SIRT4: variants seen among roughly 807,000 people sequenced by gnomAD.
SIRT4 encodes the protein sirtuin 4.
In SIRT4, 23 loss-of-function variants were observed where a neutral mutation model predicts 26.1. That is an observed-to-expected ratio of 0.88 (90% CI 0.63 to 1.25). The LOEUF (loss-of-function observed/expected upper bound fraction) is 1.25, where lower values mean the gene tolerates loss of function less well. Among genes scored for constraint, SIRT4 ranks in the 50% most tolerant of loss-of-function variants. The pLI is 0.00. For missense variants in SIRT4, 361 were observed against 405.4 expected, an observed-to-expected ratio of 0.89 and a Z score of 0.94; for synonymous variants, 155 against 158.4, an observed-to-expected ratio of 0.98 and a Z score of 0.16.
the SIRT4 span, among the ~76,000 whole-genome samples, chr12:120,295,739 C>T: frequency 2.0e-4 from 31 of 151,676 alleles, no homozygotes; most frequent in Admixed American, 2.0e-3. Context: ...GCCTGTTTTC[C>T]TTCAGGATGT....
chr12:120,310,401 A>G (rs534861856), intron 2 of SIRT4, among the ~76,000 whole-genome samples: 1 of 152,176 alleles, frequency 6.6e-6, no homozygotes, highest in South Asian at 2.1e-4. Flanking sequence ...TTTTTTTTGT[A>G]GAGAGAGCGT....
upstream of SIRT4, among the ~76,000 whole-genome samples, chr12:120,301,651 C>CTT (rs967482087): frequency 4.0e-5 from 6 of 151,050 alleles, no homozygotes; most frequent in Non-Finnish European, 5.9e-5. Flanking sequence ...AATACAAAAA[C>CTT]TTTAAAAAAA....
At chr12:120,306,274 G>T (rs1460565617) in intron 2 of SIRT4, among the ~76,000 whole-genome samples, 1 of 151,862 alleles carries the variant, frequency 6.6e-6, no homozygotes, top group Non-Finnish European at 1.5e-5. Context: ...TCAGGAGTTC[G>T]AGACCAGCCT....
intron 2 of SIRT4, 62 bp from the exon 3 acceptor site, chr12:120,312,394 T>G: frequency 4.7e-6 from 7 of 1,494,480 alleles, no homozygotes; most frequent in Non-Finnish European, 2.7e-6. Flanking sequence ...AGATGAAACG[T>G]CTCTGACAGC....
At chr12:120,295,759 T>G in the SIRT4 span, among the ~76,000 whole-genome samples, 1 of 151,850 alleles carries the variant, frequency 6.6e-6, no homozygotes, top group Non-Finnish European at 1.5e-5. Context: ...TAGAAAGCTA[T>G]TAGAAACCTA....
At chr12:120,306,728 G>A (rs930707534) in intron 2 of SIRT4, among the ~76,000 whole-genome samples, 5 of 151,762 alleles carry the variant, frequency 3.3e-5, no homozygotes, top group Admixed American at 2.0e-4. Flanking sequence ...GCCTGAACCT[G>A]GGAGGCAGAG....
intron 2 of SIRT4, among the ~76,000 whole-genome samples, chr12:120,308,290 C>T (rs1020529047): frequency 1.4e-4 from 21 of 151,736 alleles, no homozygotes; most frequent in African/African-American, 5.1e-4. Flanking sequence ...CTGCCTCAGC[C>T]TCCCAAGTAG....
At chr12:120,293,364 G>T in the SIRT4 span, 94 of 152,294 alleles carry the variant, frequency 6.2e-4, 1 homozygote, top group African/African-American at 2.1e-3. Flanking sequence ...ATAGAAAGAT[G>T]TTTGTGACCT....
upstream of SIRT4, among the ~76,000 whole-genome samples, chr12:120,299,549 CAA>C (rs35920345): frequency 8.4e-3 from 1,098 of 130,764 alleles, 6 homozygotes; most frequent in Admixed American, 0.018. Context: ...TAGACTCTCT[CAA>C]AAAAAAAAAA....
the SIRT4 span, among the ~76,000 whole-genome samples, chr12:120,292,136 C>T: frequency 6.6e-6 from 1 of 152,184 alleles, no homozygotes; most frequent in Non-Finnish European, 1.5e-5. Context: ...TGCAAATCAA[C>T]GTGACGTCAC....
At chr12:120,310,524 G>C (rs1362566623) in intron 2 of SIRT4, among the ~76,000 whole-genome samples, 2 of 151,624 alleles carry the variant, frequency 1.3e-5, no homozygotes, top group African/African-American at 2.4e-5. Context: ...GGCCACAGGG[G>C]TTCTTTTAAG....
chr12:120,302,717 T>C (rs894679721), intron 1 of SIRT4, among the ~76,000 whole-genome samples: 2 of 151,430 alleles, frequency 1.3e-5, no homozygotes, highest in African/African-American at 4.9e-5. Flanking sequence ...GTTTTTTCTT[T>C]TTCTTTTTTT....
chr12:120,300,957 T>C (rs964753002), upstream of SIRT4, among the ~76,000 whole-genome samples: 2 of 152,090 alleles, frequency 1.3e-5, no homozygotes, highest in African/African-American at 2.4e-5. Flanking sequence ...TTTGATTAAC[T>C]TAATAAAAAA....
upstream of SIRT4, among the ~76,000 whole-genome samples, chr12:120,299,412 C>T (rs1179035781): frequency 1.3e-5 from 2 of 150,308 alleles, no homozygotes; most frequent in African/African-American, 2.5e-5. Context: ...ATTAGCCGGG[C>T]GCAGTGGCGA....
chr12:120,302,714 CTTTTTCTTTTT>C, intron 1 of SIRT4, among the ~76,000 whole-genome samples: 1 of 147,414 alleles, frequency 6.8e-6, no homozygotes, highest in Middle Eastern at 3.3e-3. Flanking sequence ...AAAGTTTTTT[CTTTTTCTTTTT>C]TTTTTTTTTT....
Position 120,309,505 on chromosome 12 carries a change from G to A in SIRT4, c.498-2951G>A, listed in dbSNP as rs370095186. 2.1e-3 allele frequency among the ~76,000 whole-genome samples: 316 copies of A among 147,988 alleles called. 2 individuals carry two copies. Among genetic ancestry groups the A allele is most frequent in the Non-Finnish European group, 3.3e-3 (221 of 67,288 alleles). On this transcript the variant is annotated intron_variant, in intron 2 of 3. Coordinates refer to ENST00000202967, the MANE Select transcript of SIRT4 (RefSeq NM_012240.3). The stretch of plus-strand genomic sequence containing the variant: ...TGGCTCACTGCAACCTCCACCTCCC[G>A]GGTTCAACCGATTCTCCTGCCTCAG...
At chr12:120,296,004 T>C in the SIRT4 span, among the ~76,000 whole-genome samples, 1 of 144,564 alleles carries the variant, frequency 6.9e-6, no homozygotes, top group Admixed American at 7.3e-5. Context: ...GGAGGATCGC[T>C]TGAACCTGGG....
At chr12:120,298,802 G>T (rs1247097419), upstream of SIRT4, among the ~76,000 whole-genome samples, 1 of 151,286 alleles carries the variant, frequency 6.6e-6, no homozygotes, top group South Asian at 2.1e-4. Flanking sequence ...AGCTACTCGG[G>T]AGGCTGAGGC....
At position 120,313,078 on chromosome 12, in the gene SIRT4, T is replaced by C; in HGVS notation, c.*42T>C. The C allele has an allele frequency of 6.2e-7, 1 of 1,611,176 alleles. No individual in the cohort carries two copies. The highest frequency in any genetic ancestry group is 1.3e-5 in the African/African-American group (1 of 74,990). On this transcript the variant is annotated 3_prime_UTR_variant, in exon 4 of 4. Transcript: ENST00000202967. The stretch of plus-strand genomic sequence containing the variant: ...CAGAACCTGGAACAGGGACTTTCAC[T>C]TGAATCTTGCTGCTAAATGTAAATG...
Sources: allele counts gnomAD v4.1 joint callset (sites outside exome capture counted in the v4.1 genomes callset), GRCh38; gene constraint gnomAD v4.1.1; transcripts MANE v1.5; gene names NCBI Gene and HGNC (gene_info 2026-07-23, HGNC 2026-07-21).